The following FLNB variants were observed in gnomAD, a reference collection of about 807,000 sequenced individuals.
FLNB encodes filamin-B.
A neutral mutation model predicts 250.6 loss-of-function variants in FLNB; 111 were observed. The observed-to-expected ratio is 0.44, with a 90% confidence interval of 0.38 to 0.52. FLNB has a LOEUF of 0.52. FLNB is among the 20% of genes least tolerant of loss of function. FLNB has a pLI of 0.00. For synonymous variants in FLNB, 1,302 were observed against 1,372.1 expected (o/e 0.95, Z 1.13); for missense variants, 2,869 against 3,447.8 (o/e 0.83, Z 4.20).
intron 1 of FLNB, among the ~76,000 whole-genome samples, chr3:58,057,203 T>G (rs1019824477): frequency 6.6e-6 from 1 of 152,156 alleles, no homozygotes; most frequent in Non-Finnish European, 1.5e-5. Flanking sequence ...CCTGAACTCC[T>G]GAGCTCAAGC....
rs142738612 is a variant in FLNB at position 58,169,318 on chromosome 3, G to C, written c.7418-272G>C. 1.9e-3 allele frequency: 948 copies of C among 507,500 alleles called. 6 individuals carry two copies. Among genetic ancestry groups the C allele is most frequent in the African/African-American group, 0.017 (872 of 52,116 alleles). 31.4% of individuals were successfully genotyped at this position (507,500 alleles called of 1,614,324 possible). ...GAATTCCACAGGCACATCTTTGGTG[G>C]GTAGGGGGTGGGGGGATTGGGAGGG... is the stretch of plus-strand genomic sequence containing the variant. On this transcript the variant is annotated intron_variant, in intron 44 of 45. Transcript: ENST00000295956. This position sits in a 1 kb window ranked among gnomAD's most constrained non-coding sequence, Gnocchi z 4.8.
At chr3:58,135,436 G>T (rs1270608954) in intron 27 of FLNB, among the ~76,000 whole-genome samples, 1 of 152,194 alleles carries the variant, frequency 6.6e-6, no homozygotes, top group Non-Finnish European at 1.5e-5. Context: ...CCACATGGCA[G>T]GCCAGAAGGA....
intron 1 of FLNB, among the ~76,000 whole-genome samples, chr3:58,012,803 T>C (rs1390409029): frequency 1.3e-5 from 2 of 152,368 alleles, no homozygotes; most frequent in South Asian, 4.1e-4. Flanking sequence ...TATCATTGAA[T>C]GAATACAGGG....
intron 11 of FLNB, among the ~76,000 whole-genome samples, chr3:58,106,358 A>G (rs1327463335): frequency 5.0e-5 from 7 of 140,536 alleles, no homozygotes; most frequent in Admixed American, 7.0e-5. Flanking sequence ...AATACTATAT[A>G]TATATATATA....
chr3:58,105,650 C>T (rs1345285706), intron 11 of FLNB, among the ~76,000 whole-genome samples: 1 of 152,174 alleles, frequency 6.6e-6, no homozygotes, highest in Non-Finnish European at 1.5e-5. Flanking sequence ...CCAGCTTTTT[C>T]TATAAAAGGC....
rs1311093670 is a variant in FLNB at position 58,008,828 on chromosome 3, C to T, written c.264C>T (p.Asp88=). Residue 88 remains aspartate, a synonymous_variant, in exon 1 of 46, where the codon GAC becomes GAT. Coordinates refer to ENST00000295956, the MANE Select transcript of FLNB (RefSeq NM_001457.4). ...TGTCCGTGGCGCTCGAGTTCCTGGA[C>T]CGTGAGAGCATCAAGCTCGTGTCCA... ...ENVSVALEFL[D]RESIKLVSID... 4.3e-6 allele frequency: 7 copies of T among 1,613,760 alleles called. No individual in the cohort carries two copies. The highest frequency in any genetic ancestry group is 5.9e-6 in the Non-Finnish European group (7 of 1,180,022).
chr3:58,153,585 C>G lies in FLNB; in HGVS notation c.6578C>G (p.Ala2193Gly), dbSNP rs745688955. The change falls in exon 39 of 46, where the codon GCC (alanine) becomes GGC (glycine). Residue 2193 changes from alanine (A) to glycine (G), a missense_variant. By Grantham distance (60) the Ala-to-Gly change is moderately conservative (BLOSUM62 0). Transcript: ENST00000295956. ...FTVGPLGEGG[A>G]HKVRAGGPGL... The stretch of plus-strand genomic sequence containing the variant: ...GTGGGGCCACTTGGTGAAGGAGGCG[C>G]CCACAAGGTGCGGGCAGGAGGCCCT... The G allele has an allele frequency of 3.7e-6, 6 of 1,614,138 alleles. No individual in the cohort carries two copies. The highest frequency in any genetic ancestry group is 5.1e-6 in the Non-Finnish European group (6 of 1,180,034).
chr3:58,146,149 G>A lies in FLNB; in HGVS notation c.5554+100G>A, dbSNP rs1333765813. 2.3e-6 allele frequency: 3 copies of A among 1,276,758 alleles called. No homozygotes were observed. In the African/African-American group the frequency reaches 4.4e-5, roughly 19 times the overall value. The allele number at this position is 1,276,758 out of a possible 1,614,324, so 79.1% of individuals were successfully genotyped here. A position where few individuals can be genotyped will look rare whatever the true frequency, so the allele number is the denominator to read the frequency against. On this transcript the variant is annotated intron_variant, in intron 33 of 45. Coordinates refer to ENST00000295956, the MANE Select transcript of FLNB (RefSeq NM_001457.4). ...GCTTTTAAAAGTGAGACAATCGAAT[G>A]GTAGTATTTGTCTTGTCTTTTCTCT...
intron 41 of FLNB, among the ~76,000 whole-genome samples, chr3:58,157,029 C>A (rs1360532166): frequency 6.6e-6 from 1 of 152,194 alleles, no homozygotes; most frequent in Non-Finnish European, 1.5e-5. Context: ...ACCTCTCTAA[C>A]CCCCACCTGA....
At chr3:58,127,638 C>A (rs2097300212) in intron 24 of FLNB, among the ~76,000 whole-genome samples, 2 of 152,206 alleles carry the variant, frequency 1.3e-5, no homozygotes, top group Non-Finnish European at 2.9e-5. Flanking sequence ...TCTCCTTCCC[C>A]ATTCTTATTT....
chr3:58,142,663 C>A lies in FLNB; in HGVS notation c.5195C>A (p.Ala1732Asp), dbSNP rs767007063. The A allele has an allele frequency of 2.5e-6, 4 of 1,613,962 alleles. No homozygotes were observed. The highest frequency in any genetic ancestry group is 3.4e-6 in the Non-Finnish European group (4 of 1,179,812). The part of the protein sequence containing the change: ...PGFRPWVTEE[A>D]YVPVSDMNGL... ...TTCTGTTTTTAGGTGACCGAAGAGG[C>A]CTATGTCCCAGTGAGTGACATGAAC... The change falls in exon 31 of 46, where the codon GCC (alanine) becomes GAC (aspartate). Residue 1732 changes from alanine to aspartate, a missense_variant. Around this residue, in one of 5 missense-constraint regions of FLNB, gnomAD observed 1,084 missense variants for 1,315.5 expected, o/e 0.82. Coordinates refer to ENST00000295956, the MANE Select transcript of FLNB (RefSeq NM_001457.4). This position sits in a 1 kb window ranked among gnomAD's most constrained non-coding sequence, Gnocchi z 4.3.
intron 19 of FLNB, 129 bp from the exon 20 acceptor site, chr3:58,121,112 A>G (rs898468701): frequency 1.3e-5 from 15 of 1,156,192 alleles, no homozygotes; most frequent in South Asian, 7.4e-5. Flanking sequence ...TGTCCTCTGC[A>G]GCAGCTGTTG....
At chr3:58,048,505 G>A (rs545750774) in intron 1 of FLNB, among the ~76,000 whole-genome samples, 2 of 152,252 alleles carry the variant, frequency 1.3e-5, no homozygotes, top group South Asian at 4.2e-4. Context: ...ACTTCCTGAG[G>A]TCATAGGTAC....
intron 44 of FLNB, 163 bp downstream of exon 44, chr3:58,168,821 T>TA: frequency 2.9e-6 from 2 of 684,354 alleles, no homozygotes; most frequent in African/African-American, 1.8e-5. Flanking sequence ...GTTTGAAACT[T>TA]ACAAAAGTCC....
Position 58,109,592 on chromosome 3 carries a change from G to T in FLNB, c.2216G>T (p.Gly739Val). 2 of 1,614,232 alleles carry T rather than the reference G, an allele frequency of 1.2e-6. No individual in the cohort carries two copies. The highest frequency in any genetic ancestry group is 8.5e-7 in the Non-Finnish European group (1 of 1,180,032). The part of the protein sequence containing the change: ...HSPYRVNIGQ[G>V]SHPQKVKVFG... Reference sequence around the variant, plus strand: ...CTTCTCTAGGTCAACATCGGGCAAGGTAGCCATCCTCAGAAGGTCAAAGTG... The same window carrying T: ...CTTCTCTAGGTCAACATCGGGCAAGTTAGCCATCCTCAGAAGGTCAAAGTG... The change falls in exon 15 of 46, where the codon GGT becomes GTT. Residue 739 changes from glycine to valine, a missense_variant. By Grantham distance (109) the Gly-to-Val change is moderately radical. Transcript: ENST00000295956.
At position 58,130,791 on chromosome 3, in the gene FLNB, A is replaced by G; in HGVS notation, c.4273A>G (p.Lys1425Glu). Residue 1425 changes from lysine to glutamate, a missense_variant, in exon 25 of 46, where the codon AAG becomes GAG. Transcript: ENST00000295956. ...VKDVVDPSKVKIAGPGLGSGV... is the reference protein window; with the variant it reads ...VKDVVDPSKVEIAGPGLGSGV... ...GGATGTTGTGGACCCCAGCAAGGTC[A>G]AGATTGCCGGCCCCGGGCTGGGCTC... The G allele has an allele frequency of 6.2e-7, 1 of 1,613,956 alleles. No individual in the cohort carries two copies. The highest frequency in any genetic ancestry group is 8.5e-7 in the Non-Finnish European group (1 of 1,179,954).
chr3:58,124,111 C>T (rs1353566889), intron 21 of FLNB, among the ~76,000 whole-genome samples: 6 of 152,156 alleles, frequency 3.9e-5, no homozygotes, highest in East Asian at 1.9e-4. Flanking sequence ...TCCTCGAGCC[C>T]GGTGTGAGCA....
At chr3:58,048,042 G>T (rs570077372) in intron 1 of FLNB, among the ~76,000 whole-genome samples, 8 of 152,168 alleles carry the variant, frequency 5.3e-5, no homozygotes, top group African/African-American at 1.9e-4. Flanking sequence ...GGTTAGCACC[G>T]ATACAGTAAT....
chr3:58,115,032 G>A (rs1346994979), intron 18 of FLNB, among the ~76,000 whole-genome samples: 1 of 152,064 alleles, frequency 6.6e-6, no homozygotes, highest in African/African-American at 2.4e-5. Context: ...TCGTGTGCAG[G>A]TTATAAACGC....
Sources: gnomAD v4.1 joint callset for allele counts (sites outside exome capture counted in the v4.1 genomes callset) on GRCh38, gnomAD v4.1.1 for gene constraint, gnomAD v4.1.1 regional missense constraint, Gnocchi (gnomAD v3.1) non-coding constraint, MANE v1.5 for transcripts, NCBI Gene and HGNC (gene_info 2026-07-23, HGNC 2026-07-21) for gene names.